The following LAMA1 variants were observed in gnomAD, a reference collection of about 807,000 sequenced individuals.
LAMA1 encodes the protein laminin subunit alpha-1.
A neutral mutation model predicts 348.7 loss-of-function variants in LAMA1; 219 were observed. The observed-to-expected ratio is 0.63, with a 90% CI of 0.56 to 0.70. The LOEUF is 0.70. LAMA1 is among the 30% of genes least tolerant of loss of function. The pLI, the probability that LAMA1 is intolerant of heterozygous loss-of-function variation, is 0.00. For synonymous variants in LAMA1, 1,487 were observed against 1,491.0 expected (o/e 1.00, Z 0.06); for missense variants, 3,744 against 3,888.0 (o/e 0.96, Z 0.99).
intron 1 of LAMA1, among the ~76,000 whole-genome samples, chr18:7,097,821 ACCTCTC>A (rs1030554017): frequency 6.0e-5 from 9 of 151,226 alleles, no homozygotes; most frequent in East Asian, 2.0e-4. Context: ...ATGAACTTAC[ACCTCTC>A]CCTCTCCCTC....
chr18:6,968,374 C>A (rs771853522), intron 48 of LAMA1, among the ~76,000 whole-genome samples: 1 of 152,192 alleles, frequency 6.6e-6, no homozygotes, highest in Non-Finnish European at 1.5e-5. Flanking sequence ...CATGAGATAA[C>A]CCTGGCCCGG....
chr18:6,990,829 G>T (rs2057755475), intron 36 of LAMA1, among the ~76,000 whole-genome samples: 1 of 151,986 alleles, frequency 6.6e-6, no homozygotes. Context: ...AAAATAATAG[G>T]GTTTAGACTC....
intron 1 of LAMA1, among the ~76,000 whole-genome samples, chr18:7,105,608 T>A (rs777356928): frequency 2.2e-4 from 33 of 152,242 alleles, no homozygotes; most frequent in Non-Finnish European, 4.1e-4. Flanking sequence ...GTGGCCCAGA[T>A]AATCCCAAAG....
chr18:7,004,306 G>GCCCTTGTCCTCAGTCTCCCC (rs1223208260), intron 29 of LAMA1, among the ~76,000 whole-genome samples: 4 of 152,176 alleles, frequency 2.6e-5, no homozygotes, highest in African/African-American at 9.7e-5. Flanking sequence ...CCAGGCTACC[G>GCCCTTGTCCTCAGTCTCCCC]CCCTTGTCCT....
At chr18:7,078,176 A>ATTTTG (rs1555664178) in intron 3 of LAMA1, among the ~76,000 whole-genome samples, 1 of 121,622 alleles carries the variant, frequency 8.2e-6, no homozygotes, top group Non-Finnish European at 1.8e-5. Flanking sequence ...ATTTTATTTT[A>ATTTTG]TTTTTTTTGA....
intron 1 of LAMA1, among the ~76,000 whole-genome samples, chr18:7,111,289 T>C (rs2058334935): frequency 6.6e-6 from 1 of 152,192 alleles, no homozygotes; most frequent in Non-Finnish European, 1.5e-5. Context: ...CCACCATTTC[T>C]GAATTAACAC....
At position 6,942,095 on chromosome 18, in the gene LAMA1, G is replaced by A; in HGVS notation, c.9212C>T (p.Pro3071Leu). 6.2e-7 allele frequency: 1 copy of A among 1,614,154 alleles called. No homozygotes were observed. Among genetic ancestry groups the A allele is most frequent in the Non-Finnish European group, 8.5e-7 (1 of 1,180,034 alleles). Residue 3071 changes from proline to leucine, a missense_variant, in exon 63 of 63, where the codon CCT becomes CTT. This residue lies in a region of LAMA1 where 232 missense variants were observed against 264.4 expected (regional missense o/e 0.88). Transcript: ENST00000389658. Reference sequence around the variant, plus strand: ...GCTTGAAGTTCAGGACTCGGTCCCAGGACAGGAATGAAGGAAAACTCCGTG... The same window carrying A: ...GCTTGAAGTTCAGGACTCGGTCCCAAGACAGGAATGAAGGAAAACTCCGTG... ...ELHGVFLHSC[P>L]GTES is the part of the protein sequence containing the mutation.
At chr18:7,012,202 A>G in intron 23 of LAMA1, 64 bp from the exon 24 acceptor site, 1 of 1,539,014 alleles carries the variant, frequency 6.5e-7, no homozygotes, top group African/African-American at 1.4e-5. Flanking sequence ...CTGAACAAAC[A>G]GAGACAAAAT....
intron 50 of LAMA1, 97 bp from the exon 51 acceptor site, chr18:6,964,900 G>A: frequency 1.5e-6 from 2 of 1,357,646 alleles, no homozygotes; most frequent in South Asian, 1.2e-5. Context: ...ATTTACAAAT[G>A]CATATTCTTT....
intron 3 of LAMA1, among the ~76,000 whole-genome samples, chr18:7,067,973 C>T (rs1000578191): frequency 6.6e-6 from 1 of 152,140 alleles, no homozygotes; most frequent in Admixed American, 6.5e-5. Flanking sequence ...CCTGGCTCAG[C>T]CTCCTGAGTA....
intron 1 of LAMA1, among the ~76,000 whole-genome samples, chr18:7,103,175 T>C (rs1174971365): frequency 1.3e-5 from 2 of 152,150 alleles, no homozygotes; most frequent in East Asian, 3.9e-4. Flanking sequence ...CCCACCACTT[T>C]GGGAGGCCGA....
intron 1 of LAMA1, among the ~76,000 whole-genome samples, chr18:7,114,935 T>C (rs775571627): frequency 6.6e-6 from 1 of 152,210 alleles, no homozygotes; most frequent in African/African-American, 2.4e-5. Flanking sequence ...TATTCTAATA[T>C]TCTTGATGCA....
At chr18:7,059,196 T>C (rs112791792) in intron 3 of LAMA1, among the ~76,000 whole-genome samples, 158 of 152,312 alleles carry the variant, frequency 1.0e-3, no homozygotes, top group African/African-American at 3.6e-3. Flanking sequence ...GGCCAGTATA[T>C]AGAATATTAA....
At chr18:7,044,634 G>T in intron 7 of LAMA1, 88 bp downstream of exon 7, 1 of 1,033,032 alleles carries the variant, frequency 9.7e-7, no homozygotes, top group Non-Finnish European at 1.5e-6. Context: ...CAAGTTACCT[G>T]CTAACTATAA....
chr18:7,055,449 G>A (rs760715281), intron 3 of LAMA1, among the ~76,000 whole-genome samples: 31 of 97,678 alleles, frequency 3.2e-4, no homozygotes, highest in Non-Finnish European at 1.6e-4. Context: ...GTGAAACTCC[G>A]TCTCAAAAAA....
At chr18:7,025,182 A>G (rs1361139085) in intron 17 of LAMA1, among the ~76,000 whole-genome samples, 3 of 152,272 alleles carry the variant, frequency 2.0e-5, no homozygotes, top group South Asian at 2.1e-4. Flanking sequence ...CAGTGTGACT[A>G]TAAGACCTTG....
rs369420782 is a variant in LAMA1, at chr18:6,973,626, C to A, written c.6624-419G>T. Among the ~76,000 whole-genome samples, 12 of 152,178 alleles carry A rather than the reference C, an allele frequency of 7.9e-5. No individual in the cohort carries two copies. The East Asian group carries it at 1.7e-3, about 22-fold the overall frequency. On this transcript the variant is annotated intron_variant, in intron 46 of 62. Coordinates refer to ENST00000389658, the MANE Select transcript of LAMA1 (RefSeq NM_005559.4). ...TGTGCCTGAATTTTAAGAAAATGCA[C>A]CCCCCACTTGCATCCTTATTTTCTG...
Position 6,943,387 on chromosome 18 carries a change from T to C in LAMA1, c.8860A>G (p.Asn2954Asp), listed in dbSNP as rs1317221433. Reference sequence around the variant, plus strand: ...GCTGTTATCCTGCCAGCACCATTGTTGACATGGAACAAGACCTAAAAGCAA... The same window carrying C: ...GCTGTTATCCTGCCAGCACCATTGTCGACATGGAACAAGACCTAAAAGCAA... ...LVDGKVLFHV[N>D]NGAGRITAAY... The change falls in exon 62 of 63, where the codon AAC (asparagine) becomes GAC (aspartate). Residue 2954 changes from asparagine to aspartate, a missense_variant. Physicochemically the swap from Asn to Asp is conservative, Grantham distance 23. Coordinates refer to ENST00000389658, the MANE Select transcript of LAMA1 (RefSeq NM_005559.4). 1.1e-5 allele frequency: 17 copies of C among 1,614,220 alleles called. No homozygotes were observed. The highest frequency in any genetic ancestry group is 1.3e-5 in the Non-Finnish European group (15 of 1,180,046).
chr18:7,111,056 G>A (rs1249177378), intron 1 of LAMA1, among the ~76,000 whole-genome samples: 1 of 152,146 alleles, frequency 6.6e-6, no homozygotes, highest in Non-Finnish European at 1.5e-5. Flanking sequence ...AGAAAAGATG[G>A]CACTTTCCAT....
Sources: gnomAD v4.1 joint callset for allele counts (sites outside exome capture counted in the v4.1 genomes callset) on GRCh38, gnomAD v4.1.1 for gene constraint, gnomAD v4.1.1 regional missense constraint, MANE v1.5 for transcripts, NCBI Gene and HGNC (gene_info 2026-07-23, HGNC 2026-07-21) for gene names.